Variants in PARD3B observed in about 807,000 individuals in gnomAD.
PARD3B encodes par-3 family cell polarity regulator beta, also known as partitioning defective 3 homolog B.
A neutral mutation model predicts 130.2 loss-of-function variants in PARD3B; 103 were observed. That is an observed-to-expected ratio of 0.79 (90% CI 0.67 to 0.93). The LOEUF is 0.93. Among genes scored for constraint, PARD3B ranks in the 40% least tolerant of loss-of-function variants. The pLI is 0.00. For synonymous variants in PARD3B, 583 were observed against 553.2 expected (o/e 1.05, Z -0.76); for missense variants, 1,609 against 1,499.2 (o/e 1.07, Z -1.21).
chr2:205,174,831 G>GT (rs2035374370), intron 12 of PARD3B, among the ~76,000 whole-genome samples: 1 of 152,196 alleles, frequency 6.6e-6, no homozygotes, highest in Non-Finnish European at 1.5e-5. Flanking sequence ...CAGTTTTGAT[G>GT]AGGACCTTGT....
chr2:204,688,276 TTTC>T (rs764848416), intron 2 of PARD3B, among the ~76,000 whole-genome samples: 3 of 152,110 alleles, frequency 2.0e-5, no homozygotes, highest in Non-Finnish European at 2.9e-5. Context: ...TGTGTTGCCA[TTTC>T]TTCTTCTTAA....
intron 2 of PARD3B, among the ~76,000 whole-genome samples, chr2:204,882,796 G>T (rs901310118): frequency 6.6e-6 from 1 of 152,142 alleles, no homozygotes; most frequent in Non-Finnish European, 1.5e-5. Context: ...GAGGTCAGGT[G>T]ATTATGAATC....
chr2:205,414,105 T>C (rs1039628150), intron 19 of PARD3B, among the ~76,000 whole-genome samples: 2 of 152,102 alleles, frequency 1.3e-5, no homozygotes, highest in Admixed American at 6.6e-5. Context: ...AGATGGAAGA[T>C]CATGAAAAAT....
intron 3 of PARD3B, among the ~76,000 whole-genome samples, chr2:205,043,304 A>G (rs1243629723): frequency 6.6e-6 from 1 of 152,092 alleles, no homozygotes; most frequent in East Asian, 1.9e-4. Flanking sequence ...GCTATTACCT[A>G]CTTTTTTGGG....
intron 1 of PARD3B, among the ~76,000 whole-genome samples, chr2:204,658,063 G>A (rs1015719078): frequency 1.3e-5 from 2 of 152,118 alleles, no homozygotes; most frequent in Non-Finnish European, 2.9e-5. Flanking sequence ...AAAGACAAAT[G>A]TGCAGCTATT....
intron 18 of PARD3B, among the ~76,000 whole-genome samples, chr2:205,384,003 T>C (rs2105955885): frequency 6.6e-6 from 1 of 152,262 alleles, no homozygotes; most frequent in South Asian, 2.1e-4. Flanking sequence ...CCTTTGGGAC[T>C]CTGAAACTGA....
At chr2:205,071,841 T>C (rs1210073879) in intron 4 of PARD3B, among the ~76,000 whole-genome samples, 1 of 152,186 alleles carries the variant, frequency 6.6e-6, no homozygotes, top group Non-Finnish European at 1.5e-5. Flanking sequence ...TAATTGTTGG[T>C]ACTCTCACAT....
intron 1 of PARD3B, among the ~76,000 whole-genome samples, chr2:204,575,711 C>T (rs967894476): frequency 6.6e-6 from 1 of 152,194 alleles, no homozygotes; most frequent in Admixed American, 6.5e-5. Flanking sequence ...TGACTGGAGT[C>T]AGCACTGTAA....
intron 2 of PARD3B, among the ~76,000 whole-genome samples, chr2:204,821,579 A>G (rs2125545951): frequency 6.6e-6 from 1 of 151,194 alleles, no homozygotes; most frequent in Non-Finnish European, 1.5e-5. Flanking sequence ...GCTTTAGGAG[A>G]TACACCTAAT....
intron 2 of PARD3B, among the ~76,000 whole-genome samples, chr2:204,756,242 T>C (rs1342257643): frequency 6.6e-6 from 1 of 152,148 alleles, no homozygotes; most frequent in African/African-American, 2.4e-5. Context: ...GGACAGTAGA[T>C]TGACTCTTTT....
At position 204,578,179 on chromosome 2, in the gene PARD3B, A is replaced by G. The variant is rs553104925; in HGVS notation, c.120+32060A>G. Among the ~76,000 whole-genome samples, 4 of 152,362 alleles carry G rather than the reference A, an allele frequency of 2.6e-5. No individual in the cohort carries two copies. The South Asian group carries it at 6.2e-4, about 24-fold the overall frequency. ...ATGCCTTTTTCTCTAAGAGGAATCA[A>G]TACTTTAGTGTACAGTTCTGCAAGA... On this transcript the variant is annotated intron_variant, in intron 1 of 22. Transcript: ENST00000406610.
chr2:204,934,281 G>A (rs1688244489), intron 2 of PARD3B, among the ~76,000 whole-genome samples: 1 of 152,204 alleles, frequency 6.6e-6, no homozygotes, highest in Admixed American at 6.5e-5. Flanking sequence ...TTAAAAATAT[G>A]TTTAATGCAG....
At chr2:204,727,954 C>T (rs2039311788) in intron 2 of PARD3B, among the ~76,000 whole-genome samples, 1 of 152,036 alleles carries the variant, frequency 6.6e-6, no homozygotes, top group African/African-American at 2.4e-5. Context: ...GTCAAAATTG[C>T]AAAAGGGAGA....
chr2:205,538,543 TATAC>T (rs1344231364), intron 21 of PARD3B, among the ~76,000 whole-genome samples: 1 of 152,212 alleles, frequency 6.6e-6, no homozygotes, highest in African/African-American at 2.4e-5. Flanking sequence ...ACTCATCTTG[TATAC>T]ATATAGTGTA....
At chr2:205,431,383 T>G (rs2047327162) in intron 19 of PARD3B, among the ~76,000 whole-genome samples, 1 of 152,114 alleles carries the variant, frequency 6.6e-6, no homozygotes, top group Non-Finnish European at 1.5e-5. Flanking sequence ...AGCCCGAAAC[T>G]TGATAATTAT....
intron 1 of PARD3B, among the ~76,000 whole-genome samples, chr2:204,653,240 C>G (rs1404407068): frequency 2.0e-5 from 3 of 148,826 alleles, no homozygotes; most frequent in South Asian, 2.1e-4. Context: ...ACCTACATAA[C>G]AAACGTACAC....
intron 2 of PARD3B, among the ~76,000 whole-genome samples, chr2:204,758,601 C>T (rs780068142): frequency 5.3e-5 from 8 of 152,116 alleles, no homozygotes; most frequent in Non-Finnish European, 1.0e-4. Context: ...AATTAAATAA[C>T]GTTTCTCCAG....
rs2042917680 is a variant in PARD3B at position 205,325,736 on chromosome 2, A to G, written c.2630+24035A>G. Among the ~76,000 whole-genome samples, 1 of 152,170 alleles carries G rather than the reference A, an allele frequency of 6.6e-6. No homozygotes were observed. The highest frequency in any genetic ancestry group is 1.5e-5 in the Non-Finnish European group (1 of 68,022). Reference sequence around the variant, plus strand: ...TAATTAGACATCCTATCTAGTAATAAGATAAGTAATTTTACTGGTGTCACT... The same window carrying G: ...TAATTAGACATCCTATCTAGTAATAGGATAAGTAATTTTACTGGTGTCACT... On this transcript the variant is annotated intron_variant, in intron 18 of 22. Coordinates refer to ENST00000406610, the MANE Select transcript of PARD3B (RefSeq NM_001302769.2). The surrounding 1 kb of genome is among the most constrained non-coding windows in gnomAD (Gnocchi z 4.1).
At chr2:204,955,661 T>A (rs1690175874) in intron 2 of PARD3B, among the ~76,000 whole-genome samples, 1 of 152,170 alleles carries the variant, frequency 6.6e-6, no homozygotes, top group African/African-American at 2.4e-5. Flanking sequence ...AAAATGGGAA[T>A]AACAGTGGAT....
Sources: gnomAD v4.1 joint callset for allele counts (sites outside exome capture counted in the v4.1 genomes callset) on GRCh38, gnomAD v4.1.1 for gene constraint, Gnocchi (gnomAD v3.1) non-coding constraint, MANE v1.5 for transcripts, NCBI Gene and HGNC (gene_info 2026-07-23, HGNC 2026-07-21) for gene names.